SAR1A: variants seen among roughly 807,000 people sequenced by gnomAD.
SAR1A encodes the protein small COPII coat GTPase SAR1A.
A neutral mutation model predicts 22.6 loss-of-function variants in SAR1A; 6 were observed. That is an observed-to-expected ratio of 0.27 (90% CI 0.15 to 0.52). SAR1A has a LOEUF of 0.52. Ranked by LOEUF, SAR1A falls within the 20% of genes least tolerant of loss-of-function variation. SAR1A has a pLI of 0.96. For missense variants in SAR1A, 145 were observed against 245.1 expected, an observed-to-expected ratio of 0.59 and a Z score of 2.73; for synonymous variants, 70 against 82.2, an observed-to-expected ratio of 0.85 and a Z score of 0.80.
chr10:70,154,943 T>A (rs910866173), intron 5 of SAR1A: 7 of 351,274 alleles, frequency 2.0e-5, no homozygotes, highest in Non-Finnish European at 4.0e-5. Context: ...AGGGTTTGGA[T>A]AGGTGTAAAG....
intron 1 of SAR1A, 54 bp downstream of exon 1, chr10:70,170,359 C>A (rs1839611508): frequency 6.7e-6 from 1 of 150,106 alleles, no homozygotes; most frequent in Admixed American, 6.6e-5. Context: ...CCCCGCCTTC[C>A]GTCCCAGCCC....
chr10:70,161,230 A>G, intron 3 of SAR1A, 161 bp from the exon 4 acceptor site: 1 of 589,884 alleles, frequency 1.7e-6, no homozygotes, highest in Non-Finnish European at 2.9e-6. Context: ...CAGGAGGCTG[A>G]GGGCAGGAGG....
intron 1 of SAR1A, among the ~76,000 whole-genome samples, chr10:70,170,036 A>G (rs1291845223): frequency 1.3e-5 from 2 of 152,176 alleles, no homozygotes; most frequent in African/African-American, 4.8e-5. Context: ...CGAGTCTACA[A>G]AACAAGGATA....
At position 70,151,205 on chromosome 10, in the gene SAR1A, T is replaced by C. The variant is rs1839320588; in HGVS notation, c.*1271A>G. ...AAAGGAACAGCTCTACAGAAAGTTT[T>C]TGGGTTAGTGTTTCCCTAGCTTATT... is the stretch of plus-strand genomic sequence containing the variant. On this transcript the variant is annotated 3_prime_UTR_variant, in exon 7 of 7. Transcript: ENST00000373241. 7.1e-6 allele frequency: 1 copy of C among 140,534 alleles called. No individual in the cohort carries two copies. Among genetic ancestry groups the C allele is most frequent in the Admixed American group, 7.5e-5 (1 of 13,388 alleles). The allele number at this position is 140,534 out of a possible 1,614,324, so 8.7% of individuals were successfully genotyped here. A position where few individuals can be genotyped will look rare whatever the true frequency, so the allele number is the denominator to read the frequency against.
chr10:70,166,070 T>A (rs1346673390), intron 1 of SAR1A, among the ~76,000 whole-genome samples: 2 of 152,244 alleles, frequency 1.3e-5, no homozygotes, highest in Non-Finnish European at 2.9e-5. Flanking sequence ...AAAGTATTTT[T>A]TAAATAAGGT....
intron 4 of SAR1A, among the ~76,000 whole-genome samples, chr10:70,159,380 A>C (rs1367920172): frequency 6.6e-6 from 1 of 152,216 alleles, no homozygotes; most frequent in Non-Finnish European, 1.5e-5. Context: ...CCAATGTTAT[A>C]TTTTACTATA....
intron 4 of SAR1A, among the ~76,000 whole-genome samples, chr10:70,159,410 T>G (rs546203661): frequency 6.6e-6 from 1 of 152,216 alleles, no homozygotes; most frequent in South Asian, 2.1e-4. Flanking sequence ...AAAACTGTAT[T>G]AGGCTGGGCA....
chr10:70,164,822 G>A (rs1350997073), intron 1 of SAR1A, among the ~76,000 whole-genome samples: 1 of 152,154 alleles, frequency 6.6e-6, no homozygotes, highest in Non-Finnish European at 1.5e-5. Flanking sequence ...TAAGCCCACT[G>A]TGAAGACCTA....
At chr10:70,157,922 A>G in intron 4 of SAR1A, 55 bp from the exon 5 acceptor site, 1 of 1,180,660 alleles carries the variant, frequency 8.5e-7, no homozygotes, top group South Asian at 1.3e-5. Context: ...GTGAAAATGA[A>G]TAACCTAATG....
At chr10:70,158,757 C>CAAACAAAAAAAAA (rs1554827243) in intron 4 of SAR1A, among the ~76,000 whole-genome samples, 1 of 125,810 alleles carries the variant, frequency 7.9e-6, no homozygotes, top group African/African-American at 2.9e-5. Flanking sequence ...TTAAGTTATA[C>CAAACAAAAAAAAA]AAAAAAAAAA....
At chr10:70,166,138 A>G (rs1839547120) in intron 1 of SAR1A, among the ~76,000 whole-genome samples, 1 of 152,234 alleles carries the variant, frequency 6.6e-6, no homozygotes, top group South Asian at 2.1e-4. Flanking sequence ...TATAGTGTAA[A>G]CGTAACTTTT....
chr10:70,148,309 A>G lies in SAR1A; in HGVS notation c.*4167T>C, dbSNP rs1427771616. On this transcript the variant is annotated 3_prime_UTR_variant, in exon 7 of 7. Transcript: ENST00000373241. ...GTATAACCCCAGCACAACACAGGAT[A>G]ATGCTCCCAGTACTCCCAGTGACAC... 6.6e-6 allele frequency: 1 copy of G among 152,278 alleles called. No individual in the cohort carries two copies. The highest frequency in any genetic ancestry group is 2.4e-5 in the African/African-American group (1 of 41,468). The allele number at this position is 152,278 out of a possible 1,614,324, so 9.4% of individuals were successfully genotyped here. A position where few individuals can be genotyped will look rare whatever the true frequency, so the allele number is the denominator to read the frequency against.
intron 1 of SAR1A, among the ~76,000 whole-genome samples, chr10:70,166,374 C>A (rs988415476): frequency 6.6e-6 from 1 of 152,150 alleles, no homozygotes; most frequent in Non-Finnish European, 1.5e-5. Flanking sequence ...TAATGTGAAT[C>A]AGAATGCCAC....
intron 5 of SAR1A, among the ~76,000 whole-genome samples, chr10:70,156,849 A>C (rs1043796201): frequency 3.9e-5 from 6 of 152,170 alleles, no homozygotes; most frequent in Non-Finnish European, 8.8e-5. Flanking sequence ...GTAAAGGAGT[A>C]GGGATAACAA....
intron 1 of SAR1A, chr10:70,163,901 G>A: frequency 1.9e-6 from 3 of 1,601,318 alleles, no homozygotes; most frequent in Non-Finnish European, 2.6e-6. Flanking sequence ...TGACAATGAT[G>A]GCAAGAAAAA....
chr10:70,164,239 G>A (rs934586808), intron 1 of SAR1A: 1 of 563,460 alleles, frequency 1.8e-6, no homozygotes, highest in Non-Finnish European at 3.3e-6. Context: ...AAATATGCAT[G>A]TATGGTAATC....
intron 5 of SAR1A, among the ~76,000 whole-genome samples, chr10:70,155,703 C>T (rs2136710925): frequency 6.6e-6 from 1 of 152,226 alleles, no homozygotes; most frequent in East Asian, 1.9e-4. Context: ...GCAGTCATAT[C>T]TGAACTCTGA....
Position 70,148,573 on chromosome 10 carries a change from G to C in SAR1A, c.*3903C>G, listed in dbSNP as rs1839291247. The C allele has an allele frequency of 6.6e-6, 1 of 152,114 alleles. No homozygotes were observed. The highest frequency in any genetic ancestry group is 1.5e-5 in the Non-Finnish European group (1 of 68,048). The allele number at this position is 152,114 out of a possible 1,614,324, so 9.4% of individuals were successfully genotyped here. On this transcript the variant is annotated 3_prime_UTR_variant, in exon 7 of 7. Coordinates refer to ENST00000373241, the MANE Select transcript of SAR1A (RefSeq NM_020150.5). ...GGAGGCTGAGGTAGGAGAATTTCCT[G>C]AGCCCAGGAGTTTGAGACCAGCCTG...
At chr10:70,163,675 C>T (rs1839506068) in intron 1 of SAR1A, 2 of 757,806 alleles carry the variant, frequency 2.6e-6, no homozygotes, top group Admixed American at 1.8e-5. Flanking sequence ...AAACCAGTAG[C>T]ACTTGCAGCA....
Sources: gnomAD v4.1 joint callset for allele counts (sites outside exome capture counted in the v4.1 genomes callset) on GRCh38, gnomAD v4.1.1 for gene constraint, MANE v1.5 for transcripts, NCBI Gene and HGNC (gene_info 2026-07-23, HGNC 2026-07-21) for gene names.